ZWILCH: variants seen among roughly 807,000 people sequenced by gnomAD.
ZWILCH encodes protein zwilch homolog.
In ZWILCH, 74 loss-of-function variants were observed where a neutral mutation model predicts 79.9. The ratio of observed to expected loss-of-function variants is 0.93; its 90% CI spans 0.77 to 1.12. The LOEUF is 1.12. ZWILCH is among the 50% of genes most tolerant of loss of function. The pLI is 0.00. For missense variants in ZWILCH, 694 were observed against 687.5 expected, an observed-to-expected ratio of 1.01 and a Z score of -0.11; for synonymous variants, 241 against 228.2, an observed-to-expected ratio of 1.06 and a Z score of -0.51.
intron 9 of ZWILCH, 55 bp downstream of exon 9, chr15:66,527,438 GT>G: frequency 7.2e-7 from 1 of 1,387,088 alleles, no homozygotes; most frequent in Non-Finnish European, 1.0e-6. Context: ...TTAAATATAA[GT>G]TTCTCTTTAA....
chr15:66,523,595 T>C, intron 7 of ZWILCH, 82 bp from the exon 8 acceptor site: 4 of 844,382 alleles, frequency 4.7e-6, no homozygotes, highest in East Asian at 4.9e-5. Flanking sequence ...GTGTGAAAGA[T>C]AGTTTGAAAT....
intron 14 of ZWILCH, among the ~76,000 whole-genome samples, chr15:66,534,741 G>A (rs1445075173): frequency 6.6e-6 from 1 of 152,190 alleles, no homozygotes; most frequent in Admixed American, 6.5e-5. Context: ...AGGACTGGAA[G>A]TTGCTCTGGG....
At chr15:66,533,256 G>A (rs12592213) in intron 14 of ZWILCH, among the ~76,000 whole-genome samples, 40,279 of 152,068 alleles carry the variant, frequency 0.26, 5,420 homozygotes, top group East Asian at 0.37. Flanking sequence ...ACTGAAGCCA[G>A]TGTACTATCA....
At chr15:66,527,713 T>C in intron 9 of ZWILCH, 144 bp from the exon 10 acceptor site, 2 of 722,480 alleles carry the variant, frequency 2.8e-6, no homozygotes, top group Non-Finnish European at 2.3e-6. Context: ...ATATCTATTA[T>C]AATCTCCACC....
Position 66,519,173 on chromosome 15 carries a change from A to C in ZWILCH, c.520+95A>C, listed in dbSNP as rs937514299. On this transcript the variant is annotated intron_variant, in intron 5 of 18. Coordinates refer to ENST00000307897, the MANE Select transcript of ZWILCH (RefSeq NM_017975.5). ...TACGAAAATTGATATTGTTATGATGAAAGTGCACAAGGTAGAACTTGCATT... is the reference window on the plus strand; with the variant it reads ...TACGAAAATTGATATTGTTATGATGCAAGTGCACAAGGTAGAACTTGCATT... 1.5e-5 allele frequency: 19 copies of C among 1,229,538 alleles called. No homozygotes were observed. The African/African-American group carries it at 2.7e-4, about 17-fold the overall frequency. 76.2% of individuals were successfully genotyped at this position (1,229,538 alleles called of 1,614,324 possible).
At chr15:66,506,669 T>C (rs1399760363) in intron 1 of ZWILCH, among the ~76,000 whole-genome samples, 1 of 151,572 alleles carries the variant, frequency 6.6e-6, no homozygotes, top group African/African-American at 2.4e-5. Flanking sequence ...AATAAATAAA[T>C]AAATAAAAAT....
chr15:66,535,497 G>A (rs944435316), intron 14 of ZWILCH, among the ~76,000 whole-genome samples: 1 of 152,020 alleles, frequency 6.6e-6, no homozygotes, highest in Non-Finnish European at 1.5e-5. Flanking sequence ...GCAACGTGGT[G>A]AATTCCTGTC....
chr15:66,508,970 T>A (rs1893926636), intron 2 of ZWILCH, 78 bp downstream of exon 2: 4 of 1,503,498 alleles, frequency 2.7e-6, no homozygotes, highest in Admixed American at 1.9e-5. Context: ...GACGGAGTCA[T>A]GCTCTGTTAC....
Position 66,540,120 on chromosome 15 carries a change from G to A in ZWILCH, c.1597G>A (p.Val533Met), listed in dbSNP as rs373125098. The change falls in exon 17 of 19, where the codon GTG (valine) becomes ATG (methionine). Residue 533 changes from valine to methionine, a missense_variant. Coordinates refer to ENST00000307897, the MANE Select transcript of ZWILCH (RefSeq NM_017975.5). ...YQSEKPQKWR[V>M]EIYSGQKKIK... ...TAGTGAGAAGCCACAGAAATGGAGA[G>A]TGGAAATATATAGTGGTCAAAAGAA... 73 of 1,611,588 alleles carry A rather than the reference G, an allele frequency of 4.5e-5. No homozygotes were observed. Among genetic ancestry groups the A allele is most frequent in the Non-Finnish European group, 5.8e-5 (68 of 1,179,292 alleles).
chr15:66,527,901 A>G lies in ZWILCH; in HGVS notation c.958A>G (p.Thr320Ala). 1 of 1,600,696 alleles carries G rather than the reference A, an allele frequency of 6.2e-7. No homozygotes were observed. The highest frequency in any genetic ancestry group is 8.5e-7 in the Non-Finnish European group (1 of 1,176,880). ...ATTTGGTGATTCTACAAAAAAAGAC[A>G]CTGAGGTTGAGGTAAGTGATTATTA... ...DGFGDSTKKD[T>A]EVETLKHDTA... The change falls in exon 10 of 19, where the codon ACT becomes GCT. Residue 320 changes from threonine to alanine, a missense_variant. Transcript: ENST00000307897.
intron 14 of ZWILCH, among the ~76,000 whole-genome samples, chr15:66,535,153 G>T (rs1204365878): frequency 6.6e-6 from 1 of 151,846 alleles, no homozygotes; most frequent in African/African-American, 2.4e-5. Context: ...ACATCTTGTC[G>T]CACTGGAAGC....
At chr15:66,544,724 T>TTTGTGTGTGTGTGTGTGTGTG (rs145952622) in intron 17 of ZWILCH, among the ~76,000 whole-genome samples, 1 of 128,490 alleles carries the variant, frequency 7.8e-6, no homozygotes, top group African/African-American at 3.1e-5. Flanking sequence ...TTTTTGGTTT[T>TTTGTGTGTGTGTGTGTGTGTG]TGTGTGTGTG....
intron 15 of ZWILCH, among the ~76,000 whole-genome samples, chr15:66,536,607 C>T (rs1198694196): frequency 6.6e-6 from 1 of 152,168 alleles, no homozygotes; most frequent in Non-Finnish European, 1.5e-5. Flanking sequence ...GTGAACTGTC[C>T]AGTGGAAGGA....
chr15:66,541,357 A>G (rs1334538051), intron 17 of ZWILCH, among the ~76,000 whole-genome samples: 2 of 152,132 alleles, frequency 1.3e-5, no homozygotes, highest in Non-Finnish European at 2.9e-5. Flanking sequence ...TGTAATACCC[A>G]GAAAAATTTA....
chr15:66,524,159 T>A (rs1894597702), intron 8 of ZWILCH, among the ~76,000 whole-genome samples: 1 of 152,184 alleles, frequency 6.6e-6, no homozygotes, highest in African/African-American at 2.4e-5. Flanking sequence ...TGGGTGGAGT[T>A]ACTAGATCAT....
intron 2 of ZWILCH, among the ~76,000 whole-genome samples, chr15:66,511,991 TAGTATC>T (rs1291946084): frequency 6.6e-6 from 1 of 152,214 alleles, no homozygotes; most frequent in Admixed American, 6.5e-5. Context: ...GGCAGTCTAA[TAGTATC>T]AGTGTGATTT....
At chr15:66,537,586 G>T (rs1895055770) in intron 16 of ZWILCH, among the ~76,000 whole-genome samples, 2 of 152,130 alleles carry the variant, frequency 1.3e-5, no homozygotes, top group African/African-American at 4.8e-5. Flanking sequence ...AGCTACTCGG[G>T]AGGCTGAGGC....
At chr15:66,546,169 T>C (rs141892036) in intron 17 of ZWILCH, among the ~76,000 whole-genome samples, 1 of 152,330 alleles carries the variant, frequency 6.6e-6, no homozygotes, top group Non-Finnish European at 1.5e-5. Context: ...GATTGGACCA[T>C]TTATTTTTGA....
At chr15:66,515,872 A>T (rs1449155023) in intron 4 of ZWILCH, among the ~76,000 whole-genome samples, 1 of 152,028 alleles carries the variant, frequency 6.6e-6, no homozygotes, top group Admixed American at 6.6e-5. Context: ...CTCTATACCA[A>T]TTTATTGTTG....
Sources: gnomAD v4.1 joint callset for allele counts (sites outside exome capture counted in the v4.1 genomes callset) on GRCh38, gnomAD v4.1.1 for gene constraint, MANE v1.5 for transcripts, NCBI Gene and HGNC (gene_info 2026-07-23, HGNC 2026-07-21) for gene names.